Variants in UROS observed in about 807,000 individuals in gnomAD.
UROS encodes uroporphyrinogen III synthase.
A neutral mutation model predicts 33.0 loss-of-function variants in UROS; 18 were observed. That is an observed-to-expected ratio of 0.55 (90% CI 0.38 to 0.81). The LOEUF (loss-of-function observed/expected upper bound fraction) is 0.81. Ranked by LOEUF, UROS falls within the 30% of genes least tolerant of loss-of-function variation. The pLI is 0.00. For missense variants in UROS, 293 were observed against 314.9 expected, an observed-to-expected ratio of 0.93 and a Z score of 0.53; for synonymous variants, 114 against 121.1, an observed-to-expected ratio of 0.94 and a Z score of 0.38.
chr10:125,800,663 G>A (rs1293109576), intron 6 of UROS, among the ~76,000 whole-genome samples: 1 of 151,198 alleles, frequency 6.6e-6, no homozygotes, highest in African/African-American at 2.4e-5. Flanking sequence ...CTGGGCTCAT[G>A]CAATTCTCCT....
chr10:125,813,425 T>C, intron 4 of UROS, among the ~76,000 whole-genome samples: 1 of 152,184 alleles, frequency 6.6e-6, no homozygotes, highest in East Asian at 1.9e-4. Flanking sequence ...TTCCTCTTTT[T>C]CATTATCTTC....
chr10:125,812,048 GATT>G (rs1466195342), intron 5 of UROS, among the ~76,000 whole-genome samples, 163 bp downstream of exon 5: 1 of 152,132 alleles, frequency 6.6e-6, no homozygotes, highest in African/African-American at 2.4e-5. Context: ...GGAAATGTTT[GATT>G]ATATTTGTTT....
At chr10:125,795,399 A>G (rs958645766) in intron 8 of UROS, among the ~76,000 whole-genome samples, 2 of 152,198 alleles carry the variant, frequency 1.3e-5, no homozygotes, top group Admixed American at 1.3e-4. Flanking sequence ...GCCTTTTTGC[A>G]TTTGGTTTGT....
Position 125,798,117 on chromosome 10 carries a change from A to C in UROS, c.423T>G (p.Phe141Leu), listed in dbSNP as rs745335302. ...SRESSALPLL[F>L]PCGNLKREIL... is the part of the protein sequence containing the mutation. The stretch of plus-strand genomic sequence containing the variant: ...TTTCTCTTTTGAGGTTTCCACAGGG[A>C]AATAGAAGAGGCAGTGCTGAGGACT... The change falls in exon 7 of 10, where the codon TTT becomes TTG. Residue 141 changes from phenylalanine (F) to leucine (L), a missense_variant. Physicochemically the swap from Phe to Leu is conservative, Grantham distance 22. Coordinates refer to ENST00000368797, the MANE Select transcript of UROS (RefSeq NM_000375.3). 6.2e-7 allele frequency: 1 copy of C among 1,614,016 alleles called. No homozygotes were observed. Among genetic ancestry groups the C allele is most frequent in the Non-Finnish European group, 8.5e-7 (1 of 1,179,888 alleles).
At chr10:125,797,356 G>A (rs1215863054) in intron 7 of UROS, among the ~76,000 whole-genome samples, 1 of 152,228 alleles carries the variant, frequency 6.6e-6, no homozygotes, top group Non-Finnish European at 1.5e-5. Flanking sequence ...GTTATGTACA[G>A]ATAACCATAT....
At chr10:125,814,120 CAG>C (rs1853077958) in intron 4 of UROS, among the ~76,000 whole-genome samples, 1 of 152,192 alleles carries the variant, frequency 6.6e-6, no homozygotes, top group Admixed American at 6.5e-5. Context: ...GTATTCAGGA[CAG>C]AGTCTCGCAC....
intron 9 of UROS, 40 bp from the exon 10 acceptor site, chr10:125,789,045 G>GGA: frequency 6.2e-7 from 1 of 1,609,994 alleles, no homozygotes; most frequent in Non-Finnish European, 8.5e-7. Context: ...CAGCACACCA[G>GGA]GAGGGGCTGG....
chr10:125,789,068 C>A, intron 9 of UROS, 63 bp from the exon 10 acceptor site: 1 of 1,596,578 alleles, frequency 6.3e-7, no homozygotes, highest in Non-Finnish European at 8.6e-7. Flanking sequence ...CAGCAGGCAG[C>A]TGGATGTGTG....
intron 6 of UROS, among the ~76,000 whole-genome samples, chr10:125,800,833 G>C (rs1851788995): frequency 6.6e-6 from 1 of 152,142 alleles, no homozygotes; most frequent in Non-Finnish European, 1.5e-5. Context: ...GCCTCCCAAA[G>C]TGCTGGGATT....
In UROS at chr10:125,812,271, T is replaced by C; in HGVS notation, c.262A>G (p.Lys88Glu). ...NKTEVWERSL[K>E]EKWNAKSVYV... ...ACTGACTTGGCATTCCATTTTTCTT[T>C]CAGAGACCTTTCCCAGACTGTAAAA... Residue 88 changes from lysine (K) to glutamate (E), a missense_variant, in exon 5 of 10, where the codon AAA becomes GAA. Lys to Glu is a moderately conservative substitution (Grantham distance 56). Transcript: ENST00000368797. 6.2e-7 allele frequency: 1 copy of C among 1,613,848 alleles called. No homozygotes were observed. The highest frequency in any genetic ancestry group is 8.5e-7 in the Non-Finnish European group (1 of 1,179,946).
At chr10:125,794,538 G>C (rs916694135) in intron 9 of UROS, 5 of 337,124 alleles carry the variant, frequency 1.5e-5, no homozygotes, top group African/African-American at 1.1e-4. Flanking sequence ...GGGAAAGGAA[G>C]GAAAGGATGT....
At chr10:125,812,353 G>A (rs952396930) in intron 4 of UROS, 65 bp from the exon 5 acceptor site, 8 of 1,474,074 alleles carry the variant, frequency 5.4e-6, no homozygotes, top group South Asian at 1.1e-5. Context: ...TGTTGCCCAA[G>A]GCTGCTTGTT....
At chr10:125,800,501 A>T (rs539019107) in intron 6 of UROS, among the ~76,000 whole-genome samples, 1 of 152,112 alleles carries the variant, frequency 6.6e-6, no homozygotes, top group East Asian at 1.9e-4. Context: ...CTGGTATTCA[A>T]TAATGAGGGA....
rs889710426 is a variant in UROS, at chr10:125,788,718, G to A, written c.*150C>T. The stretch of plus-strand genomic sequence containing the variant: ...GGGCCTGAGGCCAGCCCCAGGTCAG[G>A]TCCCGATCCCCGGTCCTCAGGTGCT... On this transcript the variant is annotated 3_prime_UTR_variant, in exon 10 of 10. Coordinates refer to ENST00000368797, the MANE Select transcript of UROS (RefSeq NM_000375.3). 6.3e-6 allele frequency: 9 copies of A among 1,439,382 alleles called. No homozygotes were observed. Among genetic ancestry groups the A allele is most frequent in the African/African-American group, 1.4e-5 (1 of 69,916 alleles). The allele number at this position is 1,439,382 out of a possible 1,614,324, so 89.2% of individuals were successfully genotyped here. A position where few individuals can be genotyped will look rare whatever the true frequency, so the allele number is the denominator to read the frequency against.
intron 2 of UROS, 49 bp downstream of exon 2, chr10:125,816,388 T>A (rs1179858480): frequency 6.2e-7 from 1 of 1,611,770 alleles, no homozygotes; most frequent in Admixed American, 1.7e-5. Context: ...CCAGGCCCCT[T>A]GACTCAGTAG....
intron 6 of UROS, among the ~76,000 whole-genome samples, chr10:125,805,513 C>T (rs1852248068): frequency 6.6e-6 from 1 of 152,174 alleles, no homozygotes; most frequent in African/African-American, 2.4e-5. Context: ...TATAGCAGCA[C>T]AGTCAGAAAG....
intron 6 of UROS, chr10:125,802,977 G>C: frequency 6.2e-7 from 1 of 1,612,854 alleles, no homozygotes; most frequent in Non-Finnish European, 8.5e-7. Flanking sequence ...ATAAGGGCAC[G>C]TCCAAACCCA....
chr10:125,804,005 T>C (rs1223552538), intron 6 of UROS, among the ~76,000 whole-genome samples: 2 of 152,270 alleles, frequency 1.3e-5, no homozygotes, highest in African/African-American at 4.8e-5. Context: ...TTTTCCTCCC[T>C]GTTCCAGGCA....
intron 9 of UROS, chr10:125,792,228 A>G (rs533762736): frequency 6.6e-6 from 1 of 152,344 alleles, no homozygotes; most frequent in Non-Finnish European, 1.5e-5. Flanking sequence ...CTGTAGTCCT[A>G]GAGCAGGGGT....
Sources: allele counts gnomAD v4.1 joint callset (sites outside exome capture counted in the v4.1 genomes callset), GRCh38; gene constraint gnomAD v4.1.1; transcripts MANE v1.5; gene names NCBI Gene and HGNC (gene_info 2026-07-23, HGNC 2026-07-21).